CSMD3: variants seen among roughly 807,000 people sequenced by gnomAD.
The protein encoded by CSMD3 is CUB and Sushi multiple domains 3.
In CSMD3, 177 loss-of-function variants were observed where a neutral mutation model predicts 435.2. That is an observed-to-expected ratio of 0.41 (90% CI 0.36 to 0.46). The LOEUF is 0.46. CSMD3 is among the 20% of genes least tolerant of loss of function. The pLI, the probability that CSMD3 is intolerant of heterozygous loss-of-function variation, is 0.34. For missense variants in CSMD3, 4,265 were observed against 4,504.6 expected, an observed-to-expected ratio of 0.95 and a Z score of 1.52; for synonymous variants, 1,656 against 1,520.5, an observed-to-expected ratio of 1.09 and a Z score of -2.07.
intron 4 of CSMD3, among the ~76,000 whole-genome samples, chr8:113,163,855 G>A (rs991523727): frequency 6.6e-6 from 1 of 151,820 alleles, no homozygotes; most frequent in African/African-American, 2.4e-5. Flanking sequence ...CAATACAAAG[G>A]CATTGTTTAT....
At chr8:113,174,571 C>T (rs10955650) in intron 3 of CSMD3, among the ~76,000 whole-genome samples, 50,411 of 151,674 alleles carry the variant, frequency 0.33, 9,238 homozygotes, top group East Asian at 0.7. Context: ...TTACCTATCA[C>T]CTTCTTATTC....
chr8:112,541,954 G>A (rs562219810), intron 27 of CSMD3, among the ~76,000 whole-genome samples: 26 of 151,790 alleles, frequency 1.7e-4, no homozygotes, highest in Non-Finnish European at 3.2e-4. Flanking sequence ...TGTCCAAGTC[G>A]GATTTATTCC....
intron 4 of CSMD3, 151 bp downstream of exon 4, chr8:113,173,571 C>T: frequency 5.8e-6 from 4 of 691,588 alleles, no homozygotes; most frequent in Non-Finnish European, 1.0e-5. Flanking sequence ...ATCCACTCAC[C>T]TCAGCCTCCC....
intron 20 of CSMD3, among the ~76,000 whole-genome samples, chr8:112,640,201 C>T (rs1218809544): frequency 6.6e-6 from 1 of 152,212 alleles, no homozygotes; most frequent in East Asian, 1.9e-4. Flanking sequence ...CAAACACACA[C>T]ACTCAAATAC....
chr8:112,939,220 G>A (rs781274323), intron 9 of CSMD3, among the ~76,000 whole-genome samples: 2 of 152,056 alleles, frequency 1.3e-5, no homozygotes, highest in Admixed American at 6.6e-5. Context: ...GTAAAAGAGA[G>A]GGAACTGAAG....
rs547782658 is a variant in CSMD3, at chr8:113,246,288, A to G, written c.514+32304T>C. ...TTTTGTCTTTCAAGTTTCACAATGAATAATCTCAATTGACCCATTTGTATG... is the reference window on the plus strand; with the variant it reads ...TTTTGTCTTTCAAGTTTCACAATGAGTAATCTCAATTGACCCATTTGTATG... On this transcript the variant is annotated intron_variant, in intron 3 of 70. Coordinates refer to ENST00000297405, the MANE Select transcript of CSMD3 (RefSeq NM_198123.2). 2.6e-4 allele frequency among the ~76,000 whole-genome samples: 39 copies of G among 152,152 alleles called. No individual in the cohort carries two copies. In the South Asian group the frequency reaches 8.1e-3, roughly 32 times the overall value.
intron 27 of CSMD3, among the ~76,000 whole-genome samples, chr8:112,525,983 A>T (rs1824915416): frequency 6.8e-6 from 1 of 146,524 alleles, no homozygotes; most frequent in East Asian, 2.0e-4. Flanking sequence ...CTAAAGTTTC[A>T]AATTTTAATA....
chr8:112,982,544 T>C (rs1216970962), intron 6 of CSMD3, among the ~76,000 whole-genome samples: 1 of 151,972 alleles, frequency 6.6e-6, no homozygotes, highest in Non-Finnish European at 1.5e-5. Flanking sequence ...CACACTTGTT[T>C]CATTCATTTC....
chr8:112,330,166 A>G (rs1322201789), intron 45 of CSMD3, among the ~76,000 whole-genome samples: 1 of 152,124 alleles, frequency 6.6e-6, no homozygotes, highest in Admixed American at 6.6e-5. Flanking sequence ...TTAGGATGAG[A>G]CTTTGTGAAG....
intron 1 of CSMD3, among the ~76,000 whole-genome samples, chr8:113,373,315 A>T (rs1195785106): frequency 2.0e-5 from 3 of 152,150 alleles, no homozygotes; most frequent in Non-Finnish European, 4.4e-5. Context: ...CTATTGACTT[A>T]TTTAAAAATA....
intron 27 of CSMD3, among the ~76,000 whole-genome samples, chr8:112,522,425 T>A (rs1045199404): frequency 6.6e-6 from 1 of 151,878 alleles, no homozygotes; most frequent in African/African-American, 2.4e-5. Context: ...CTGATCTAAA[T>A]CCACTGAAAG....
At chr8:112,648,347 T>A (rs2075038194) in intron 19 of CSMD3, among the ~76,000 whole-genome samples, 1 of 152,166 alleles carries the variant, frequency 6.6e-6, no homozygotes, top group African/African-American at 2.4e-5. Flanking sequence ...AATTCAGTCC[T>A]TGTCCAGTTG....
chr8:112,301,708 A>G, intron 53 of CSMD3, 85 bp downstream of exon 53: 2 of 951,810 alleles, frequency 2.1e-6, no homozygotes, highest in Non-Finnish European at 3.4e-6. Flanking sequence ...ATAAATTAGT[A>G]TCTCATATTA....
chr8:113,265,574 G>A (rs1320311106), intron 3 of CSMD3, among the ~76,000 whole-genome samples: 1 of 151,422 alleles, frequency 6.6e-6, no homozygotes, highest in Non-Finnish European at 1.5e-5. Context: ...CAGTAAAAGT[G>A]ATTTATACCT....
intron 9 of CSMD3, among the ~76,000 whole-genome samples, chr8:112,945,194 A>G (rs1182656691): frequency 2.0e-5 from 3 of 151,580 alleles, no homozygotes. Flanking sequence ...CTTACTCTCC[A>G]CATCAAATTT....
chr8:113,435,625 C>T (rs930343501), intron 1 of CSMD3, among the ~76,000 whole-genome samples: 3 of 151,924 alleles, frequency 2.0e-5, no homozygotes, highest in African/African-American at 7.3e-5. Context: ...CCCGCCCCCC[C>T]GCGACACACA....
At position 112,392,758 on chromosome 8, in the gene CSMD3, A is replaced by G. The variant is rs1830535082; in HGVS notation, c.5810-1970T>C. 2.6e-5 allele frequency among the ~76,000 whole-genome samples: 4 copies of G among 152,206 alleles called. No individual in the cohort carries two copies. In the South Asian group the frequency reaches 8.3e-4, roughly 32 times the overall value. On this transcript the variant is annotated intron_variant, in intron 35 of 70. Transcript: ENST00000297405. ...ACTATATTTTTCAAAATACTGTCAAAATTATTTTTCTAAATTAAAATATGA... is the reference window on the plus strand; with the variant it reads ...ACTATATTTTTCAAAATACTGTCAAGATTATTTTTCTAAATTAAAATATGA...
chr8:112,500,753 G>C (rs548043627), intron 30 of CSMD3, among the ~76,000 whole-genome samples: 6 of 152,174 alleles, frequency 3.9e-5, no homozygotes, highest in Non-Finnish European at 8.8e-5. Flanking sequence ...AGCTTGCACA[G>C]GTGAATGCCC....
chr8:112,810,442 C>A (rs2079194419), intron 12 of CSMD3, among the ~76,000 whole-genome samples: 1 of 152,144 alleles, frequency 6.6e-6, no homozygotes, highest in African/African-American at 2.4e-5. Context: ...AGTTAATTAG[C>A]TTTGGGACAC....
Sources: allele counts gnomAD v4.1 joint callset (sites outside exome capture counted in the v4.1 genomes callset), GRCh38; gene constraint gnomAD v4.1.1; transcripts MANE v1.5; gene names NCBI Gene and HGNC (gene_info 2026-07-23, HGNC 2026-07-21).